CLSTN2: variants seen among roughly 807,000 people sequenced by gnomAD.
The protein encoded by CLSTN2 is calsyntenin 2, also known as calsyntenin-2.
CLSTN2 carries 48 observed loss-of-function variants against 101.2 expected under a neutral mutation model. That is an observed-to-expected ratio of 0.47 (90% CI 0.38 to 0.60). CLSTN2 has a LOEUF of 0.60. Ranked by LOEUF, CLSTN2 falls within the 20% of genes least tolerant of loss-of-function variation. CLSTN2 has a pLI of 0.00. For missense variants in CLSTN2, 1,160 were observed against 1,238.2 expected (o/e 0.94, Z 0.95); for synonymous variants, 481 against 463.6 (o/e 1.04, Z -0.48).
At chr3:140,522,173 C>T (rs1391202714) in intron 8 of CLSTN2, among the ~76,000 whole-genome samples, 9 of 152,244 alleles carry the variant, frequency 5.9e-5, no homozygotes, top group South Asian at 4.1e-4. Flanking sequence ...GGCTGTCGCC[C>T]CAGCCTGCTT....
intron 1 of CLSTN2, among the ~76,000 whole-genome samples, chr3:140,052,734 C>G (rs1044557121): frequency 6.6e-6 from 1 of 152,152 alleles, no homozygotes; most frequent in African/African-American, 2.4e-5. Context: ...CCAACTCTGC[C>G]CAGCTGATAC....
At chr3:140,208,782 G>A (rs927127724) in intron 2 of CLSTN2, among the ~76,000 whole-genome samples, 2 of 151,966 alleles carry the variant, frequency 1.3e-5, no homozygotes, top group South Asian at 4.2e-4. Flanking sequence ...TGTTTTTAAT[G>A]CAGTTCTGCC....
At chr3:140,083,150 CAT>C (rs1161690956) in intron 1 of CLSTN2, among the ~76,000 whole-genome samples, 2 of 152,048 alleles carry the variant, frequency 1.3e-5, no homozygotes, top group Non-Finnish European at 2.9e-5. Context: ...TCTGTTATAG[CAT>C]TTATTACGTT....
chr3:140,459,692 C>A lies in CLSTN2; in HGVS notation c.1145C>A (p.Thr382Asn), dbSNP rs372723510. The change falls in exon 7 of 17, where the codon ACC becomes AAC. Residue 382 changes from threonine (T) to asparagine (N), a missense_variant. Thr to Asn is a moderately conservative substitution (Grantham distance 65). Coordinates refer to ENST00000458420, the MANE Select transcript of CLSTN2 (RefSeq NM_022131.3). ...PKNLTDQFTI[T>N]MWMKHGPSPG... The stretch of plus-strand genomic sequence containing the variant: ...AACCTGACCGATCAGTTCACCATCA[C>A]CATGTGGATGAAACACGGCCCCAGC... 1 of 1,614,030 alleles carries A rather than the reference C, an allele frequency of 6.2e-7. No homozygotes were observed. The highest frequency in any genetic ancestry group is 8.5e-7 in the Non-Finnish European group (1 of 1,180,014).
chr3:140,174,071 A>G (rs1031107088), intron 1 of CLSTN2, among the ~76,000 whole-genome samples: 2 of 152,044 alleles, frequency 1.3e-5, no homozygotes, highest in African/African-American at 4.8e-5. Flanking sequence ...CAGGCTGCAA[A>G]TTTTTCAAAC....
chr3:140,461,316 G>T (rs1178381055), intron 7 of CLSTN2: 1 of 152,194 alleles, frequency 6.6e-6, no homozygotes, highest in Non-Finnish European at 1.5e-5. Context: ...AGTAGCCTGT[G>T]CAGTGCCCTG....
intron 6 of CLSTN2, among the ~76,000 whole-genome samples, chr3:140,456,116 G>T (rs1933392040): frequency 1.3e-5 from 2 of 152,192 alleles, no homozygotes; most frequent in Admixed American, 6.5e-5. Flanking sequence ...CACTAACTGG[G>T]TATCTGAGAG....
At chr3:140,018,376 A>G (rs369172751) in intron 1 of CLSTN2, among the ~76,000 whole-genome samples, 7 of 152,346 alleles carry the variant, frequency 4.6e-5, no homozygotes, top group Admixed American at 2.6e-4. Context: ...TGCTGGTAGA[A>G]GTCCTGCTTG....
chr3:140,261,606 A>C (rs1031137538), intron 2 of CLSTN2, among the ~76,000 whole-genome samples: 1 of 151,286 alleles, frequency 6.6e-6, no homozygotes, highest in Non-Finnish European at 1.5e-5. Flanking sequence ...ACTTGCTGCT[A>C]CTAGGGAATC....
chr3:140,057,827 C>A (rs2008124225), intron 1 of CLSTN2, among the ~76,000 whole-genome samples: 1 of 152,114 alleles, frequency 6.6e-6, no homozygotes, highest in Non-Finnish European at 1.5e-5. Flanking sequence ...GACCTTATTT[C>A]CAAGTCATAG....
At chr3:140,229,367 C>T (rs1323176201) in intron 2 of CLSTN2, among the ~76,000 whole-genome samples, 1 of 152,172 alleles carries the variant, frequency 6.6e-6, no homozygotes, top group Non-Finnish European at 1.5e-5. Flanking sequence ...GAACAGTCCA[C>T]TGTTCCACTC....
intron 1 of CLSTN2, among the ~76,000 whole-genome samples, chr3:140,105,300 C>G (rs879486388): frequency 6.6e-6 from 1 of 152,188 alleles, no homozygotes; most frequent in Non-Finnish European, 1.5e-5. Flanking sequence ...ACATCAAGGC[C>G]TTCAGCAATG....
chr3:140,574,631 G>T lies in CLSTN2; in HGVS notation c.*8378G>T, dbSNP rs893368676. 2.6e-5 allele frequency: 4 copies of T among 152,210 alleles called. No homozygotes were observed. The highest frequency in any genetic ancestry group is 4.4e-5 in the Non-Finnish European group (3 of 68,044). 9.4% of individuals were successfully genotyped at this position (152,210 alleles called of 1,614,324 possible). A position where few individuals can be genotyped will look rare whatever the true frequency, so the allele number is the denominator to read the frequency against. On this transcript the variant is annotated 3_prime_UTR_variant, in exon 17 of 17. Coordinates refer to ENST00000458420, the MANE Select transcript of CLSTN2 (RefSeq NM_022131.3). ...TGTATTAATCACAGACAACAGAAACGTGTTAGCTTTAATGTCTGTTTGCTT... is the reference window on the plus strand; with the variant it reads ...TGTATTAATCACAGACAACAGAAACTTGTTAGCTTTAATGTCTGTTTGCTT...
intron 2 of CLSTN2, among the ~76,000 whole-genome samples, chr3:140,192,024 G>A (rs1041067423): frequency 2.6e-5 from 4 of 151,816 alleles, no homozygotes; most frequent in African/African-American, 9.7e-5. Flanking sequence ...ATTTTGATGT[G>A]TTGTGTTTGT....
chr3:139,944,351 G>C (rs956241119), intron 1 of CLSTN2, among the ~76,000 whole-genome samples: 1 of 152,166 alleles, frequency 6.6e-6, no homozygotes, highest in African/African-American at 2.4e-5. Context: ...CCAATGCCCA[G>C]AACCCATCCC....
At chr3:139,974,041 T>A (rs1486841237) in intron 1 of CLSTN2, among the ~76,000 whole-genome samples, 1 of 152,180 alleles carries the variant, frequency 6.6e-6, no homozygotes, top group Non-Finnish European at 1.5e-5. Flanking sequence ...TAGTTTAGCA[T>A]TGTGAAGCCT....
At chr3:140,442,481 C>T (rs1000267142) in intron 5 of CLSTN2, among the ~76,000 whole-genome samples, 4 of 152,178 alleles carry the variant, frequency 2.6e-5, no homozygotes, top group Non-Finnish European at 4.4e-5. Flanking sequence ...CTCCTCTGCC[C>T]CCTCCCCTGC....
At chr3:139,974,788 C>A (rs1020412967) in intron 1 of CLSTN2, among the ~76,000 whole-genome samples, 1 of 152,202 alleles carries the variant, frequency 6.6e-6, no homozygotes, top group Non-Finnish European at 1.5e-5. Flanking sequence ...ACTAAAGAGC[C>A]TAATGCCTTG....
intron 2 of CLSTN2, among the ~76,000 whole-genome samples, chr3:140,351,678 G>T (rs142650651): frequency 4.6e-5 from 7 of 152,264 alleles, no homozygotes; most frequent in Non-Finnish European, 1.0e-4. Context: ...AACAGTGGTG[G>T]GCTGCATTTG....
Sources: gnomAD v4.1 joint callset for allele counts (sites outside exome capture counted in the v4.1 genomes callset) on GRCh38, gnomAD v4.1.1 for gene constraint, MANE v1.5 for transcripts, NCBI Gene and HGNC (gene_info 2026-07-23, HGNC 2026-07-21) for gene names.